Variants in SLC25A16 observed in about 807,000 individuals in gnomAD.
SLC25A16 encodes mitochondrial coenzyme A transporter SLC25A16.
A neutral mutation model predicts 41.5 loss-of-function variants in SLC25A16; 39 were observed. The ratio of observed to expected loss-of-function variants is 0.94; its 90% CI spans 0.73 to 1.23. SLC25A16 has a LOEUF of 1.23. SLC25A16 is among the 50% of genes most tolerant of loss of function. SLC25A16 has a pLI of 0.00. For missense variants in SLC25A16, 421 were observed against 426.9 expected, an observed-to-expected ratio of 0.99 and a Z score of 0.12; for synonymous variants, 146 against 147.8, an observed-to-expected ratio of 0.99 and a Z score of 0.09.
chr10:68,524,691 T>TGAGGG (rs2053306827), intron 1 of SLC25A16, among the ~76,000 whole-genome samples: 2 of 108,084 alleles, frequency 1.9e-5, no homozygotes, highest in South Asian at 3.0e-4. Flanking sequence ...CTGGGCTACA[T>TGAGGG]AGTGAGACTC....
In SLC25A16 at chr10:68,503,619, TA is replaced by T; in HGVS notation, c.421+12del. The T allele has an allele frequency of 6.5e-7, 1 of 1,533,884 alleles. No individual in the cohort carries two copies. The highest frequency in any genetic ancestry group is 9.0e-7 in the Non-Finnish European group (1 of 1,116,644). ...TAATTTGTCAGAAATAAAATATACC[TA>T]ACTCCTCTTACCTGCCATGGATCCA... On this transcript the variant is annotated intron_variant, in intron 4 of 8. Transcript: ENST00000609923.
At chr10:68,514,771 CTT>C (rs200690648) in intron 2 of SLC25A16, among the ~76,000 whole-genome samples, 3,282 of 151,954 alleles carry the variant, frequency 0.022, 116 homozygotes, top group African/African-American at 0.075. Flanking sequence ...AAGTCTCGCT[CTT>C]GTCCCCCAGG....
chr10:68,527,481 G>A lies in SLC25A16; in HGVS notation c.-106C>T. 3 of 1,180,898 alleles carry A rather than the reference G, an allele frequency of 2.5e-6. No individual in the cohort carries two copies. Among genetic ancestry groups the A allele is most frequent in the South Asian group, 1.7e-5 (1 of 58,940 alleles). The allele number at this position is 1,180,898 out of a possible 1,614,324, so 73.2% of individuals were successfully genotyped here. On this transcript the variant is annotated 5_prime_UTR_variant, in exon 1 of 9. Transcript: ENST00000609923. ...AGGAGGCTGACCGCCCCGCCGGCGG[G>A]GCAAAGTAACACCCGGCGGCGCGGC...
At chr10:68,499,907 G>A (rs1304149676) in intron 4 of SLC25A16, 10 of 580,286 alleles carry the variant, frequency 1.7e-5, no homozygotes, top group Admixed American at 4.1e-5. Context: ...GCCAAATCTC[G>A]CCAAGTAGGA....
At position 68,483,485 on chromosome 10, in the gene SLC25A16, C is replaced by T. The variant is rs1173382074; in HGVS notation, c.946G>A (p.Ala316Thr). 6.2e-7 allele frequency: 1 copy of T among 1,612,018 alleles called. No homozygotes were observed. The highest frequency in any genetic ancestry group is 1.1e-5 in the South Asian group (1 of 90,578). The change falls in exon 9 of 9, where the codon GCA becomes ACA. Residue 316 changes from alanine to threonine, a missense_variant. By Grantham distance (58) the Ala-to-Thr change is moderately conservative (BLOSUM62 0). Transcript: ENST00000609923. ...LNYIRCIPSQ[A>T]VAFTTYELMK... ...AGTTCGTATGTTGTAAAAGCCACTG[C>T]TTGAGAGGGAATACAGCGAATGTAA...
Position 68,481,913 on chromosome 10 carries a change from C to G in SLC25A16, c.*1519G>C, listed in dbSNP as rs1261876815. Reference sequence around the variant, plus strand: ...GCCACCACACCTGGCCTTCTAATGTCTTTAAAGTCACATCAAAGGGCCGGG... The same window carrying G: ...GCCACCACACCTGGCCTTCTAATGTGTTTAAAGTCACATCAAAGGGCCGGG... On this transcript the variant is annotated 3_prime_UTR_variant, in exon 9 of 9. Transcript: ENST00000609923. The G allele has an allele frequency of 6.6e-6, 1 of 152,226 alleles. No homozygotes were observed. Among genetic ancestry groups the G allele is most frequent in the Non-Finnish European group, 1.5e-5 (1 of 68,084 alleles). The allele number at this position is 152,226 out of a possible 1,614,324, so 9.4% of individuals were successfully genotyped here. A position where few individuals can be genotyped will look rare whatever the true frequency, so the allele number is the denominator to read the frequency against.
Position 68,483,415 on chromosome 10 carries a change from C to T in SLC25A16, c.*17G>A, listed in dbSNP as rs1241451140. The T allele has an allele frequency of 9.1e-6, 14 of 1,531,100 alleles. No individual in the cohort carries two copies. Among genetic ancestry groups the T allele is most frequent in the Non-Finnish European group, 1.2e-5 (14 of 1,127,868 alleles). The allele number at this position is 1,531,100 out of a possible 1,614,324, so 94.8% of individuals were successfully genotyped here. A position where few individuals can be genotyped will look rare whatever the true frequency, so the allele number is the denominator to read the frequency against. On this transcript the variant is annotated 3_prime_UTR_variant, in exon 9 of 9. Coordinates refer to ENST00000609923, the MANE Select transcript of SLC25A16 (RefSeq NM_152707.4). ...CCCTCTGAGAATGTATTAAGAAAAACCAACCATAATTTTTTTTTAGTTGAG... is the reference window on the plus strand; with the variant it reads ...CCCTCTGAGAATGTATTAAGAAAAATCAACCATAATTTTTTTTTAGTTGAG...
At chr10:68,508,202 A>G (rs1199334529) in intron 2 of SLC25A16, among the ~76,000 whole-genome samples, 2 of 151,942 alleles carry the variant, frequency 1.3e-5, no homozygotes, top group Non-Finnish European at 2.9e-5. Context: ...ATAGAGTGAG[A>G]CTCCATCTCA....
At chr10:68,510,193 A>C (rs1054738515) in intron 2 of SLC25A16, among the ~76,000 whole-genome samples, 6 of 152,298 alleles carry the variant, frequency 3.9e-5, no homozygotes, top group African/African-American at 1.2e-4. Context: ...AGTTTTGTCC[A>C]ATAGCATATC....
intron 2 of SLC25A16, among the ~76,000 whole-genome samples, chr10:68,509,337 C>CA (rs1353945530): frequency 1.3e-5 from 2 of 149,468 alleles, no homozygotes; most frequent in Non-Finnish European, 3.0e-5. Context: ...AACTCTGTCT[C>CA]AAAAAAACAA....
chr10:68,489,887 G>T (rs1345350452), intron 6 of SLC25A16, among the ~76,000 whole-genome samples: 1 of 140,414 alleles, frequency 7.1e-6, no homozygotes, highest in Non-Finnish European at 1.5e-5. Flanking sequence ...GCAACAGAGC[G>T]AGACTCTGTC....
chr10:68,483,626 C>T (rs1343995506), intron 8 of SLC25A16, 38 bp from the exon 9 acceptor site: 1 of 1,479,408 alleles, frequency 6.8e-7, no homozygotes, highest in Non-Finnish European at 9.0e-7. Context: ...TCTATGCCCA[C>T]TCATGAAGAA....
intron 2 of SLC25A16, among the ~76,000 whole-genome samples, chr10:68,509,654 GATC>G: frequency 6.8e-6 from 1 of 147,164 alleles, no homozygotes; most frequent in South Asian, 2.1e-4. Context: ...AGTGAGCTGT[GATC>G]ACACCACTGC....
intron 6 of SLC25A16, among the ~76,000 whole-genome samples, chr10:68,491,789 TTCTC>T (rs60947509): frequency 0.15 from 22,924 of 151,924 alleles, 1,879 homozygotes; most frequent in South Asian, 0.22. Context: ...GATAGTAAAC[TTCTC>T]TCTGTTTGCT....
At chr10:68,524,012 G>T (rs2053290889) in intron 1 of SLC25A16, among the ~76,000 whole-genome samples, 1 of 149,868 alleles carries the variant, frequency 6.7e-6, no homozygotes, top group Non-Finnish European at 1.5e-5. Flanking sequence ...GAGGTGGGTG[G>T]ATCACAAGGT....
chr10:68,502,360 C>G (rs532162162), intron 4 of SLC25A16, among the ~76,000 whole-genome samples: 1 of 152,030 alleles, frequency 6.6e-6, no homozygotes, highest in African/African-American at 2.4e-5. Context: ...GGAAAAAAAT[C>G]TTGGATGATT....
intron 7 of SLC25A16, among the ~76,000 whole-genome samples, chr10:68,487,915 G>T (rs549273842): frequency 6.6e-6 from 1 of 151,798 alleles, no homozygotes; most frequent in African/African-American, 2.4e-5. Flanking sequence ...GTGCAGTGAC[G>T]CAATCTTGGC....
chr10:68,509,737 A>ATCTATCTATATC (rs1554919957), intron 2 of SLC25A16, among the ~76,000 whole-genome samples: 7 of 143,794 alleles, frequency 4.9e-5, no homozygotes, highest in African/African-American at 1.8e-4. Flanking sequence ...CTATCTATAT[A>ATCTATCTATATC]TATATCTATA....
rs950766816 is a variant in SLC25A16 at position 68,504,306 on chromosome 10, C to T, written c.358-611G>A. ...TGCTGGGATTATAGGCTGAAGCCAC[C>T]GCACCCAGCCTAATTTTTTATTTTA... On this transcript the variant is annotated intron_variant, in intron 3 of 8. Coordinates refer to ENST00000609923, the MANE Select transcript of SLC25A16 (RefSeq NM_152707.4). 3.9e-5 allele frequency among the ~76,000 whole-genome samples: 6 copies of T among 151,934 alleles called. No individual in the cohort carries two copies. The East Asian group carries it at 9.7e-4, about 24-fold the overall frequency.
Sources: allele counts gnomAD v4.1 joint callset (sites outside exome capture counted in the v4.1 genomes callset), GRCh38; gene constraint gnomAD v4.1.1; transcripts MANE v1.5; gene names NCBI Gene and HGNC (gene_info 2026-07-23, HGNC 2026-07-21).